NUMB: variants seen among roughly 807,000 people sequenced by gnomAD.
NUMB encodes NUMB endocytic adaptor protein, also known as protein numb homolog.
In NUMB, 29 loss-of-function variants were observed where a neutral mutation model predicts 59.7. The ratio of observed to expected loss-of-function variants is 0.49; its 90% CI spans 0.36 to 0.66. NUMB has a LOEUF of 0.66. Ranked by LOEUF, NUMB falls within the 30% of genes least tolerant of loss-of-function variation. The pLI, the probability that NUMB is intolerant of heterozygous loss-of-function variation, is 0.00. For synonymous variants in NUMB, 288 were observed against 288.2 expected (o/e 1.00, Z 0.01); for missense variants, 723 against 822.0 (o/e 0.88, Z 1.47).
At chr14:73,443,985 G>A (rs1028783797) in intron 1 of NUMB, among the ~76,000 whole-genome samples, 5 of 152,076 alleles carry the variant, frequency 3.3e-5, no homozygotes, top group African/African-American at 1.2e-4. Context: ...TCGGCTCACT[G>A]CAACCACCAC....
intron 2 of NUMB, among the ~76,000 whole-genome samples, chr14:73,399,230 T>C (rs1199411112): frequency 1.3e-5 from 2 of 152,238 alleles, no homozygotes; most frequent in East Asian, 1.9e-4. Context: ...TATTAAATAG[T>C]TGGCCCTCCA....
intron 1 of NUMB, among the ~76,000 whole-genome samples, chr14:73,449,435 T>G (rs942128629): frequency 7.2e-5 from 11 of 152,334 alleles, no homozygotes; most frequent in Non-Finnish European, 1.2e-4. Context: ...ATGTAAATAC[T>G]TATACTGTAT....
chr14:73,320,736 C>T (rs1036481689), intron 5 of NUMB, among the ~76,000 whole-genome samples: 11 of 151,878 alleles, frequency 7.2e-5, no homozygotes, highest in Non-Finnish European at 1.0e-4. Context: ...ATGTGCCAGC[C>T]ACTGTTCCAT....
intron 8 of NUMB, among the ~76,000 whole-genome samples, chr14:73,292,506 C>G (rs573148126): frequency 6.6e-6 from 1 of 152,288 alleles, no homozygotes; most frequent in Admixed American, 6.5e-5. Flanking sequence ...TTTTTACCTT[C>G]CTTTAATGAT....
At chr14:73,355,224 T>C (rs932532941) in intron 4 of NUMB, among the ~76,000 whole-genome samples, 1 of 152,194 alleles carries the variant, frequency 6.6e-6, no homozygotes, top group Non-Finnish European at 1.5e-5. Context: ...TCTTCTCATT[T>C]AAGGATTTCT....
rs1356138017 is a variant in NUMB, at chr14:73,407,043, AT to A, written c.-101+2893del. Among the ~76,000 whole-genome samples, 10 of 151,986 alleles carry A rather than the reference AT, an allele frequency of 6.6e-5. No individual in the cohort carries two copies. The East Asian group carries it at 1.9e-3, about 30-fold the overall frequency. On this transcript the variant is annotated intron_variant, in intron 2 of 12. Coordinates refer to ENST00000555238, the MANE Select transcript of NUMB (RefSeq NM_001005743.2). ...TTTTTAGTAGAGACGGGGTTTCACT[AT>A]TTTGGCCAGGCTGGCCTCCAACTCC...
At chr14:73,331,410 T>G (rs1891967789) in intron 4 of NUMB, among the ~76,000 whole-genome samples, 1 of 152,028 alleles carries the variant, frequency 6.6e-6, no homozygotes, top group South Asian at 2.1e-4. Flanking sequence ...CCGGGCGTGG[T>G]GGTGGTGGGC....
At chr14:73,421,975 C>T (rs1442150557) in intron 1 of NUMB, among the ~76,000 whole-genome samples, 1 of 151,918 alleles carries the variant, frequency 6.6e-6, no homozygotes, top group Non-Finnish European at 1.5e-5. Context: ...CCCGTCTCTA[C>T]TAAAAATACA....
intron 6 of NUMB, among the ~76,000 whole-genome samples, chr14:73,304,121 G>GA (rs1174819940): frequency 6.6e-6 from 1 of 151,988 alleles, no homozygotes; most frequent in African/African-American, 2.4e-5. Flanking sequence ...ATCTTAACAC[G>GA]AAAAAAATTG....
chr14:73,277,399 C>G (rs1045907972), intron 12 of NUMB, 106 bp from the exon 13 acceptor site: 5 of 881,584 alleles, frequency 5.7e-6, no homozygotes, highest in African/African-American at 5.1e-5. Flanking sequence ...ATGTCCCCCC[C>G]TAATGGGACA....
At chr14:73,283,759 A>C (rs974585531) in intron 10 of NUMB, among the ~76,000 whole-genome samples, 3 of 152,250 alleles carry the variant, frequency 2.0e-5, no homozygotes, top group African/African-American at 7.2e-5. Flanking sequence ...ATAAGAATAG[A>C]AACTTGAGAC....
intron 4 of NUMB, among the ~76,000 whole-genome samples, chr14:73,351,513 TTAAA>T (rs758746798): frequency 2.1e-4 from 32 of 151,224 alleles, no homozygotes; most frequent in Non-Finnish European, 8.9e-5. Context: ...ATTAATTAAA[TTAAA>T]TAAGTAAGAT....
At chr14:73,397,157 A>G (rs191910214) in intron 2 of NUMB, among the ~76,000 whole-genome samples, 25 of 151,992 alleles carry the variant, frequency 1.6e-4, no homozygotes, top group African/African-American at 5.8e-4. Flanking sequence ...AAACAAAATA[A>G]CCACAGATTC....
At chr14:73,434,399 C>T (rs140745667) in intron 1 of NUMB, among the ~76,000 whole-genome samples, 3 of 152,284 alleles carry the variant, frequency 2.0e-5, no homozygotes, top group East Asian at 1.9e-4. Flanking sequence ...GCACTTAGAA[C>T]GCTTCTTGGA....
intron 2 of NUMB, among the ~76,000 whole-genome samples, chr14:73,394,406 A>T (rs1180256389): frequency 5.7e-5 from 3 of 52,288 alleles, no homozygotes; most frequent in South Asian, 9.3e-4. Context: ...AGTTTTCTTT[A>T]AAAAAAAAAA....
At chr14:73,360,216 A>G (rs1408626167) in intron 3 of NUMB, among the ~76,000 whole-genome samples, 4 of 152,242 alleles carry the variant, frequency 2.6e-5, no homozygotes, top group Non-Finnish European at 5.9e-5. Flanking sequence ...TGGTGCTTAC[A>G]ATAGTATCAG....
At chr14:73,372,917 T>A (rs753703985) in intron 2 of NUMB, among the ~76,000 whole-genome samples, 10 of 152,180 alleles carry the variant, frequency 6.6e-5, no homozygotes, top group Non-Finnish European at 2.9e-5. Context: ...TCACTTATCT[T>A]TAAGTGGAGG....
chr14:73,307,081 G>A (rs1198506686), intron 6 of NUMB, among the ~76,000 whole-genome samples: 2 of 152,130 alleles, frequency 1.3e-5, no homozygotes, highest in African/African-American at 4.8e-5. Flanking sequence ...AGGCCAAGGC[G>A]GGTGGATCAC....
chr14:73,391,254 GA>G lies in NUMB; in HGVS notation c.-101+18682del, dbSNP rs1368328909. 4.7e-5 allele frequency among the ~76,000 whole-genome samples: 7 copies of G among 149,158 alleles called. No homozygotes were observed. The South Asian group carries it at 1.1e-3, about 23-fold the overall frequency. On this transcript the variant is annotated intron_variant, in intron 2 of 12. Coordinates refer to ENST00000555238, the MANE Select transcript of NUMB (RefSeq NM_001005743.2). ...GTCTCACTGGTGTATAAATGGCAAT[GA>G]AAAAATCCTTTTCAGTGGATTTTTT...
Sources: gnomAD v4.1 joint callset for allele counts (sites outside exome capture counted in the v4.1 genomes callset) on GRCh38, gnomAD v4.1.1 for gene constraint, MANE v1.5 for transcripts, NCBI Gene and HGNC (gene_info 2026-07-23, HGNC 2026-07-21) for gene names.